WDR93: variants seen among roughly 807,000 people sequenced by gnomAD.
WDR93 encodes the protein WD repeat-containing protein 93.
In WDR93, 73 loss-of-function variants were observed where a neutral mutation model predicts 82.9. The ratio of observed to expected loss-of-function variants is 0.88; its 90% CI spans 0.73 to 1.07. The LOEUF (loss-of-function observed/expected upper bound fraction) is 1.07, where lower values mean the gene tolerates loss of function less well. Among genes scored for constraint, WDR93 ranks in the 50% least tolerant of loss-of-function variants. The probability of loss-of-function intolerance (pLI) is 0.00; values close to 1 mark genes in which losing one functional copy is unlikely to be tolerated. For synonymous variants in WDR93, 283 were observed against 300.1 expected (o/e 0.94, Z 0.59); for missense variants, 738 against 826.0 (o/e 0.89, Z 1.31).
At position 89,737,593 on chromosome 15, in the gene WDR93, T is replaced by C; in HGVS notation, c.1629T>C (p.Asn543=). ...CCCAGGTGCTCATCTTTTCCAAGAA[T>C]GGCTCTGTGTGCCTTATGGATGTGG... is the stretch of plus-strand genomic sequence containing the variant. The part of the protein sequence containing the change: ...LPGMVLIFSK[N]GSVCLMDVAK... The change falls in exon 15 of 17, where the codon AAT becomes AAC. Residue 543 remains asparagine (N), a synonymous_variant. Coordinates refer to ENST00000268130, the MANE Select transcript of WDR93 (RefSeq NM_020212.2). 2 of 1,614,192 alleles carry C rather than the reference T, an allele frequency of 1.2e-6. No individual in the cohort carries two copies. The highest frequency in any genetic ancestry group is 1.7e-6 in the Non-Finnish European group (2 of 1,180,024).
intron 8 of WDR93, among the ~76,000 whole-genome samples, chr15:89,724,595 A>T (rs904940279): frequency 2.0e-5 from 3 of 152,218 alleles, no homozygotes; most frequent in Non-Finnish European, 2.9e-5. Context: ...ATATATGAAG[A>T]ATTACTACAG....
intron 7 of WDR93, 84 bp from the exon 8 acceptor site, chr15:89,721,971 C>A: frequency 1.1e-6 from 1 of 899,146 alleles, no homozygotes; most frequent in Admixed American, 3.1e-5. Flanking sequence ...CCTTCTTTTC[C>A]ACCTTCTTTT....
intron 6 of WDR93, among the ~76,000 whole-genome samples, chr15:89,715,666 C>T (rs1425604391): frequency 6.6e-6 from 1 of 152,150 alleles, no homozygotes; most frequent in Non-Finnish European, 1.5e-5. Flanking sequence ...TCACTGCAAC[C>T]TCTGCCTCCC....
chr15:89,723,462 A>C (rs1414821881), intron 8 of WDR93, among the ~76,000 whole-genome samples: 1 of 152,116 alleles, frequency 6.6e-6, no homozygotes, highest in Non-Finnish European at 1.5e-5. Context: ...CAACCCCCCG[A>C]AAAGGGAAAT....
chr15:89,738,087 A>C lies in WDR93; in HGVS notation c.1812A>C (p.Gln604His). The C allele has an allele frequency of 6.2e-7, 1 of 1,613,912 alleles. No individual in the cohort carries two copies. The highest frequency in any genetic ancestry group is 8.5e-7 in the Non-Finnish European group (1 of 1,179,958). Residue 604 changes from glutamine (Q) to histidine (H), a missense_variant, in exon 16 of 17, where the codon CAA (glutamine) becomes CAC (histidine). By Grantham distance (24) the Gln-to-His change is conservative. Coordinates refer to ENST00000268130, the MANE Select transcript of WDR93 (RefSeq NM_020212.2). ...CGTCCACCGACGATGCTGGAATCCA[A>C]TATTCTGTTTTCTATTTTAATTTTG... The part of the protein sequence containing the change: ...ETASTDDAGI[Q>H]YSVFYFNFEA...
chr15:89,714,808 G>C (rs1184110421), intron 5 of WDR93, among the ~76,000 whole-genome samples, 172 bp from the exon 6 acceptor site: 2 of 152,182 alleles, frequency 1.3e-5, no homozygotes, highest in African/African-American at 4.8e-5. Context: ...TGGGGCATGA[G>C]GACTTGCAAT....
chr15:89,714,921 CA>C lies in WDR93; in HGVS notation c.641-58del, dbSNP rs1312594438. 47 of 1,447,136 alleles carry C rather than the reference CA, an allele frequency of 3.2e-5. No homozygotes were observed. The Admixed American group carries it at 8.1e-4, about 25-fold the overall frequency. The allele number at this position is 1,447,136 out of a possible 1,614,324, so 89.6% of individuals were successfully genotyped here. A position where few individuals can be genotyped will look rare whatever the true frequency, so the allele number is the denominator to read the frequency against. On this transcript the variant is annotated intron_variant, in intron 5 of 16. Transcript: ENST00000268130. Reference sequence around the variant, plus strand: ...TCTAAGAAGAAGACAGGCCATTTCTCAGAGGAAACTTGTGGCTCTCTTACAG... The same window carrying C: ...TCTAAGAAGAAGACAGGCCATTTCTCGAGGAAACTTGTGGCTCTCTTACAG...
intron 3 of WDR93, chr15:89,704,850 T>A (rs1338581529): frequency 6.6e-6 from 1 of 152,524 alleles, no homozygotes; most frequent in African/African-American, 2.4e-5. Flanking sequence ...TTGGTGTCCC[T>A]AGCACATTTG....
chr15:89,692,842 A>G (rs993048842), intron 1 of WDR93, among the ~76,000 whole-genome samples: 4 of 152,158 alleles, frequency 2.6e-5, no homozygotes, highest in Non-Finnish European at 5.9e-5. Context: ...TCCTGACCTC[A>G]GGTGATCCAC....
chr15:89,703,484 T>G (rs1433942163), intron 3 of WDR93: 5 of 309,132 alleles, frequency 1.6e-5, no homozygotes, highest in African/African-American at 1.1e-4. Flanking sequence ...TCCACACCCT[T>G]CCAGCACTCA....
At chr15:89,700,134 G>A (rs1965383206) in intron 1 of WDR93, among the ~76,000 whole-genome samples, 1 of 152,152 alleles carries the variant, frequency 6.6e-6, no homozygotes. Flanking sequence ...TGACAACAGA[G>A]GAGCATTTAT....
chr15:89,731,476 T>C lies in WDR93; in HGVS notation c.1244T>C (p.Ile415Thr), dbSNP rs987937703. The change falls in exon 12 of 17, where the codon ATT (isoleucine) becomes ACT (threonine). Residue 415 changes from isoleucine to threonine, a missense_variant. Transcript: ENST00000268130. ...GGTGTGTGGCCCTGTGCTGCGCCCA[T>C]TGCAGTCTCTCAGCTCAGCTGCTCC... ...PEGVWPCAAP[I>T]AVSQLSCSSS... 15 of 1,614,048 alleles carry C rather than the reference T, an allele frequency of 9.3e-6. No individual in the cohort carries two copies. The highest frequency in any genetic ancestry group is 1.3e-5 in the Non-Finnish European group (15 of 1,180,006).
At chr15:89,724,095 G>T (rs1053337482) in intron 8 of WDR93, among the ~76,000 whole-genome samples, 1 of 152,098 alleles carries the variant, frequency 6.6e-6, no homozygotes, top group African/African-American at 2.4e-5. Context: ...CCAGCACTTT[G>T]GGAGGCTGAG....
intron 6 of WDR93, among the ~76,000 whole-genome samples, chr15:89,715,612 C>G (rs1966211206): frequency 6.6e-6 from 1 of 151,900 alleles, no homozygotes; most frequent in South Asian, 2.1e-4. Context: ...TTTTTTGAGT[C>G]TCGCTCTGTT....
intron 7 of WDR93, among the ~76,000 whole-genome samples, chr15:89,720,926 C>T (rs902998045): frequency 1.3e-5 from 2 of 150,370 alleles, no homozygotes; most frequent in Non-Finnish European, 3.0e-5. Context: ...AAAGGAGTCT[C>T]TAAGATTGTA....
intron 4 of WDR93, among the ~76,000 whole-genome samples, chr15:89,706,491 A>G (rs1965734964): frequency 6.6e-6 from 1 of 152,070 alleles, no homozygotes. Flanking sequence ...AATACTATTG[A>G]TGGGCACCAA....
At chr15:89,697,645 G>C (rs1677709474) in intron 1 of WDR93, among the ~76,000 whole-genome samples, 1 of 152,012 alleles carries the variant, frequency 6.6e-6, no homozygotes, top group South Asian at 2.1e-4. Flanking sequence ...CTGTCAATTG[G>C]AAAAAATTAC....
intron 11 of WDR93, among the ~76,000 whole-genome samples, chr15:89,730,342 A>G (rs7495662): frequency 0.31 from 44,476 of 145,164 alleles, 7,266 homozygotes; most frequent in South Asian, 0.39. Flanking sequence ...AAAAAAAAAA[A>G]AGAGAGAGAT....
In WDR93 at chr15:89,737,606, C is replaced by A. The variant is rs1336248279; in HGVS notation, c.1642C>A (p.Leu548Ile). 3 of 1,614,208 alleles carry A rather than the reference C, an allele frequency of 1.9e-6. No homozygotes were observed. Among genetic ancestry groups the A allele is most frequent in the Non-Finnish European group, 2.5e-6 (3 of 1,180,040 alleles). ...LIFSKNGSVC[L>I]MDVAKREIIC... ...CTTTTCCAAGAATGGCTCTGTGTGC[C>A]TTATGGATGTGGCCAAGCGTGAAAT... The change falls in exon 15 of 17, where the codon CTT becomes ATT. Residue 548 changes from leucine to isoleucine, a missense_variant. Physicochemically the swap from Leu to Ile is conservative, Grantham distance 5. Transcript: ENST00000268130.
Sources: allele counts gnomAD v4.1 joint callset (sites outside exome capture counted in the v4.1 genomes callset), GRCh38; gene constraint gnomAD v4.1.1; transcripts MANE v1.5; gene names NCBI Gene and HGNC (gene_info 2026-07-23, HGNC 2026-07-21).